RARB: variants seen among roughly 807,000 people sequenced by gnomAD.
The protein encoded by RARB is HBV-activated protein.
Under a neutral mutation model 51.9 loss-of-function variants are expected in RARB, and 17 were observed. That is an observed-to-expected ratio of 0.33 (90% CI 0.22 to 0.49). The LOEUF (loss-of-function observed/expected upper bound fraction) is 0.49, where lower values mean the gene tolerates loss of function less well. RARB is among the 20% of genes least tolerant of loss of function. The pLI is 0.99. For synonymous variants in RARB, 215 were observed against 195.4 expected (o/e 1.10, Z -0.84); for missense variants, 369 against 550.8 (o/e 0.67, Z 3.30).
intron 4 of RARB, among the ~76,000 whole-genome samples, chr3:25,159,631 A>G (rs1700442938): frequency 6.6e-6 from 1 of 152,104 alleles, no homozygotes; most frequent in Admixed American, 6.5e-5. Context: ...CTTCATTCAG[A>G]TGAATGAAGC....
In RARB at chr3:25,002,109, A is replaced by C. The variant is rs370818424; in HGVS notation, c.-379-58016A>C. Reference sequence around the variant, plus strand: ...CTTGGGACAGTGGATTTAGGGAGGTAATTTTGGTTTCATATGGGCTCCTGA... The same window carrying C: ...CTTGGGACAGTGGATTTAGGGAGGTCATTTTGGTTTCATATGGGCTCCTGA... On this transcript the variant is annotated intron_variant, in intron 2 of 11. Coordinates refer to the RARB transcript ENST00000383772. Among the ~76,000 whole-genome samples, 64 of 152,250 alleles carry C rather than the reference A, an allele frequency of 4.2e-4. 1 individual carries two copies. The South Asian group carries it at 0.012, about 28-fold the overall frequency.
At chr3:24,860,105 T>C (rs1427451492) in intron 2 of RARB, among the ~76,000 whole-genome samples, 1 of 152,166 alleles carries the variant, frequency 6.6e-6, no homozygotes, top group South Asian at 2.1e-4. Context: ...ATTATGTTCA[T>C]GTTAAACTAA....
intron 2 of RARB, among the ~76,000 whole-genome samples, chr3:24,888,502 G>A (rs573259352): frequency 3.2e-4 from 49 of 151,982 alleles, no homozygotes; most frequent in African/African-American, 1.1e-3. Context: ...ATCATGCATA[G>A]AAGTTAAAAG....
chr3:25,097,137 C>A (rs961852979), intron 3 of RARB, among the ~76,000 whole-genome samples: 4 of 152,134 alleles, frequency 2.6e-5, no homozygotes, highest in African/African-American at 9.6e-5. Flanking sequence ...AGTAACAATT[C>A]TACCCTTCAT....
At chr3:24,877,400 G>A (rs1464919409) in intron 2 of RARB, among the ~76,000 whole-genome samples, 3 of 112,814 alleles carry the variant, frequency 2.7e-5, no homozygotes, top group Admixed American at 1.3e-4. Flanking sequence ...ACTCTAGAAA[G>A]ACTTAAGAAT....
intron 5 of RARB, among the ~76,000 whole-genome samples, chr3:25,189,375 T>A (rs1377045672): frequency 2.6e-5 from 4 of 152,174 alleles, no homozygotes; most frequent in African/African-American, 9.6e-5. Context: ...AAGATTTTTG[T>A]AAGCATTGAG....
rs575904873 is a variant in RARB, at chr3:25,202,034, G to A, written c.178+27459G>A. ...GCTACCAGCTCCTCCTTGTATCCTG[G>A]TGGAATTCAGCTGTGAATCTGTCTG... is the stretch of plus-strand genomic sequence containing the variant. On this transcript the variant is annotated intron_variant, in intron 5 of 11. Transcript: ENST00000383772. Among the ~76,000 whole-genome samples the A allele has an allele frequency of 2.6e-4, 40 of 152,262 alleles. 1 individual carries two copies. The highest frequency in any genetic ancestry group is 6.8e-3 in the Middle Eastern group (2 of 294).
rs942443835 is a variant in RARB at position 25,227,484 on chromosome 3, AT to A, written c.178+52917del. Among the ~76,000 whole-genome samples, 8 of 151,964 alleles carry A rather than the reference AT, an allele frequency of 5.3e-5. No individual in the cohort carries two copies. The East Asian group carries it at 1.2e-3, about 22-fold the overall frequency. On this transcript the variant is annotated intron_variant, in intron 5 of 11. Coordinates refer to the RARB transcript ENST00000383772. ...ATATTACATATATATTTCCACAACTATTTTTTTTATTTCTCGTAATACAGAT... is the reference window on the plus strand; with the variant it reads ...ATATTACATATATATTTCCACAACTATTTTTTTATTTCTCGTAATACAGAT...
At chr3:25,290,366 C>G (rs1461671593) in intron 5 of RARB, among the ~76,000 whole-genome samples, 2 of 152,120 alleles carry the variant, frequency 1.3e-5, no homozygotes, top group African/African-American at 2.4e-5. Flanking sequence ...CCTACCACCC[C>G]CTCGAGAGAG....
Position 24,933,638 on chromosome 3 carries a change from T to TCA in RARB, c.-380+74886_-380+74887insCA, listed in dbSNP as rs567081915. 6.7e-3 allele frequency among the ~76,000 whole-genome samples: 1,018 copies of TCA among 152,222 alleles called. 9 individuals carry two copies. Among genetic ancestry groups the TCA allele is most frequent in the African/African-American group, 0.023 (967 of 41,548 alleles). On this transcript the variant is annotated intron_variant, in intron 2 of 11. Transcript: ENST00000383772. ...TGCATTCTTCAAGAGCAGAAGTTAT[T>TCA]ACAGCACTCAGAGAAAGAAACAATT...
chr3:25,143,415 A>G (rs190386626), intron 4 of RARB, among the ~76,000 whole-genome samples: 153 of 152,278 alleles, frequency 1.0e-3, no homozygotes, highest in Middle Eastern at 3.4e-3. Context: ...AAGCTGTGTA[A>G]TTTAGTTTAG....
intron 4 of RARB, among the ~76,000 whole-genome samples, chr3:25,577,885 G>A (rs1290288703): frequency 6.6e-6 from 1 of 152,240 alleles, no homozygotes; most frequent in African/African-American, 2.4e-5. Context: ...GGGCCACCAC[G>A]CGGCATCCTG....
At chr3:25,012,594 C>T (rs1476651068) in intron 2 of RARB, among the ~76,000 whole-genome samples, 1 of 152,094 alleles carries the variant, frequency 6.6e-6, no homozygotes, top group Non-Finnish European at 1.5e-5. Context: ...AGGAAAATGT[C>T]CTCTATCATT....
chr3:25,129,258 G>C (rs916256275), intron 3 of RARB, among the ~76,000 whole-genome samples: 1 of 151,914 alleles, frequency 6.6e-6, no homozygotes, highest in East Asian at 1.9e-4. Context: ...GTAAATATTA[G>C]AACCCATGAT....
chr3:25,530,017 C>T (rs2084717091), intron 3 of RARB, among the ~76,000 whole-genome samples: 1 of 152,066 alleles, frequency 6.6e-6, no homozygotes, highest in Non-Finnish European at 1.5e-5. Flanking sequence ...CCTGAGCAAC[C>T]CACGGACCCG....
Position 25,260,179 on chromosome 3 carries a change from T to A in RARB, c.178+85604T>A, listed in dbSNP as rs545939262. ...CAGTGTTCCCTGGAATAGGGCACCC[T>A]GGTTGTATTCCTTTAAGCCTGGTTG... On this transcript the variant is annotated intron_variant, in intron 5 of 11. Transcript: ENST00000383772. Among the ~76,000 whole-genome samples the A allele has an allele frequency of 2.6e-5, 4 of 152,290 alleles. No homozygotes were observed. In the East Asian group the frequency reaches 7.7e-4, roughly 29 times the overall value.
At chr3:25,435,262 G>T (rs1708384087) in intron 1 of RARB, among the ~76,000 whole-genome samples, 1 of 152,142 alleles carries the variant, frequency 6.6e-6, no homozygotes. Flanking sequence ...CAAAAAAATA[G>T]CTAAATTCAA....
chr3:25,097,148 G>GT (rs1699311026), intron 3 of RARB, among the ~76,000 whole-genome samples: 1 of 152,116 alleles, frequency 6.6e-6, no homozygotes, highest in African/African-American at 2.4e-5. Context: ...TACCCTTCAT[G>GT]TTGCCATACT....
At chr3:25,487,141 A>G (rs1046024241) in intron 2 of RARB, among the ~76,000 whole-genome samples, 7 of 152,162 alleles carry the variant, frequency 4.6e-5, no homozygotes, top group Non-Finnish European at 7.3e-5. Context: ...AGCTTCCTTA[A>G]GAAGCCTGGC....
Sources: gnomAD v4.1 joint callset for allele counts (sites outside exome capture counted in the v4.1 genomes callset) on GRCh38, gnomAD v4.1.1 for gene constraint, MANE v1.5 for transcripts, NCBI Gene and HGNC (gene_info 2026-07-23, HGNC 2026-07-21) for gene names.